Variants in SEMA3A observed in about 807,000 individuals in gnomAD.
SEMA3A encodes semaphorin 3A.
Under a neutral mutation model 97.9 loss-of-function variants are expected in SEMA3A, and 29 were observed. That is an observed-to-expected ratio of 0.30 (90% CI 0.22 to 0.40). SEMA3A has a LOEUF of 0.40. Ranked by LOEUF, SEMA3A falls within the 10% of genes least tolerant of loss-of-function variation. The pLI, the probability that SEMA3A is intolerant of heterozygous loss-of-function variation, is 1.00. For missense variants in SEMA3A, 763 were observed against 951.3 expected (o/e 0.80, Z 2.60); for synonymous variants, 321 against 323.7 (o/e 0.99, Z 0.09).
At chr7:84,406,947 C>T (rs1381701657) in intron 1 of SEMA3A, among the ~76,000 whole-genome samples, 1 of 152,112 alleles carries the variant, frequency 6.6e-6, no homozygotes, top group Non-Finnish European at 1.5e-5. Context: ...CAATATCATA[C>T]TGAATGGACA....
At chr7:84,124,199 C>G (rs1162015251) in intron 3 of SEMA3A, among the ~76,000 whole-genome samples, 2 of 152,096 alleles carry the variant, frequency 1.3e-5, no homozygotes, top group East Asian at 3.8e-4. Context: ...TGTCTTGACC[C>G]CTCTTTTCCT....
At chr7:84,354,685 A>T (rs1215728334) in intron 2 of SEMA3A, among the ~76,000 whole-genome samples, 1 of 151,312 alleles carries the variant, frequency 6.6e-6, no homozygotes, top group African/African-American at 2.4e-5. Context: ...TATTCTGTCA[A>T]TTATTTCATT....
chr7:84,224,989 T>C (rs924329160), intron 3 of SEMA3A, among the ~76,000 whole-genome samples: 1 of 152,066 alleles, frequency 6.6e-6, no homozygotes, highest in African/African-American at 2.4e-5. Flanking sequence ...CTCTATGTCA[T>C]TAGAAGGAGC....
At chr7:84,383,102 T>A (rs1803309991) in intron 1 of SEMA3A, among the ~76,000 whole-genome samples, 1 of 152,040 alleles carries the variant, frequency 6.6e-6, no homozygotes, top group South Asian at 2.1e-4. Context: ...CCTAAGAAGA[T>A]ATGAATAAAA....
chr7:84,213,397 G>T (rs1298833792), intron 3 of SEMA3A, among the ~76,000 whole-genome samples: 1 of 152,128 alleles, frequency 6.6e-6, no homozygotes, highest in Non-Finnish European at 1.5e-5. Flanking sequence ...TCCTGCCTCA[G>T]CTTCCCAAGT....
At chr7:84,341,388 T>G (rs1467713342) in intron 2 of SEMA3A, among the ~76,000 whole-genome samples, 2 of 152,150 alleles carry the variant, frequency 1.3e-5, no homozygotes, top group Non-Finnish European at 2.9e-5. Flanking sequence ...AAGATTAGGT[T>G]TTCCACCTTT....
chr7:84,432,516 T>G (rs1805007921), intron 1 of SEMA3A, among the ~76,000 whole-genome samples: 1 of 152,078 alleles, frequency 6.6e-6, no homozygotes, highest in Non-Finnish European at 1.5e-5. Context: ...TACTCAATAG[T>G]TTTTCAACCC....
intron 4 of SEMA3A, among the ~76,000 whole-genome samples, chr7:84,082,494 G>A (rs1794198525): frequency 6.6e-6 from 1 of 152,040 alleles, no homozygotes; most frequent in Non-Finnish European, 1.5e-5. Context: ...CATAACTCCA[G>A]AAATTCTTTA....
intron 6 of SEMA3A, among the ~76,000 whole-genome samples, chr7:84,044,990 G>A (rs1792293449): frequency 6.6e-6 from 1 of 152,030 alleles, no homozygotes; most frequent in African/African-American, 2.4e-5. Flanking sequence ...GCTGTCATAG[G>A]AGGGAAGAGA....
chr7:84,187,246 T>A (rs1445129999), intron 1 of SEMA3A, among the ~76,000 whole-genome samples: 1 of 152,236 alleles, frequency 6.6e-6, no homozygotes, highest in African/African-American at 2.4e-5. Flanking sequence ...GTAGAACTGA[T>A]TTGATCTTCA....
At chr7:84,162,048 A>C (rs1338748784) in intron 1 of SEMA3A, among the ~76,000 whole-genome samples, 1 of 152,188 alleles carries the variant, frequency 6.6e-6, no homozygotes, top group African/African-American at 2.4e-5. Context: ...TTTACTAAAA[A>C]TAAAATGTTT....
intron 1 of SEMA3A, among the ~76,000 whole-genome samples, chr7:84,143,945 T>A (rs370606686): frequency 0.17 from 18,037 of 104,924 alleles, 1,490 homozygotes; most frequent in East Asian, 0.27. Flanking sequence ...TCTCTCTCTC[T>A]CTCTAACACA....
intron 4 of SEMA3A, among the ~76,000 whole-genome samples, chr7:84,087,542 T>G (rs569549671): frequency 6.6e-6 from 1 of 152,296 alleles, no homozygotes; most frequent in African/African-American, 2.4e-5. Context: ...TCATGTAATT[T>G]TAATGAATAT....
intron 3 of SEMA3A, among the ~76,000 whole-genome samples, chr7:84,285,509 A>G (rs1371406108): frequency 6.6e-6 from 1 of 152,224 alleles, no homozygotes; most frequent in East Asian, 1.9e-4. Context: ...AAATATTACA[A>G]TGTAAAGGCT....
rs1180459235 is a variant in SEMA3A, at chr7:83,962,708, C to T, written c.1860+497G>A. On this transcript the variant is annotated intron_variant, in intron 16 of 16. Coordinates refer to ENST00000265362, the MANE Select transcript of SEMA3A (RefSeq NM_006080.3). ...AATGAGCAGGGAGATCTGCCTCATC[C>T]TGCATCAATAGTTGATATCAGAGCT... is the stretch of plus-strand genomic sequence containing the variant. 2.0e-5 allele frequency among the ~76,000 whole-genome samples: 3 copies of T among 152,220 alleles called. No individual in the cohort carries two copies. The South Asian group carries it at 6.2e-4, about 32-fold the overall frequency.
chr7:84,015,534 A>G (rs773863022), intron 6 of SEMA3A, among the ~76,000 whole-genome samples: 1 of 152,170 alleles, frequency 6.6e-6, no homozygotes, highest in Non-Finnish European at 1.5e-5. Flanking sequence ...ACCTCACTGA[A>G]GGCACTTAGG....
chr7:84,418,488 G>A (rs1433834342), intron 1 of SEMA3A, among the ~76,000 whole-genome samples: 2 of 152,088 alleles, frequency 1.3e-5, no homozygotes, highest in African/African-American at 2.4e-5. Flanking sequence ...TGAGATTTGA[G>A]TGGGGACACA....
intron 12 of SEMA3A, among the ~76,000 whole-genome samples, chr7:83,995,366 A>G (rs866288876): frequency 6.6e-6 from 1 of 152,202 alleles, no homozygotes; most frequent in East Asian, 1.9e-4. Context: ...TTCATATATG[A>G]ATGGTGAAAC....
chr7:84,266,313 CAAAAAAA>C (rs57809084), intron 3 of SEMA3A, among the ~76,000 whole-genome samples: 10 of 70,478 alleles, frequency 1.4e-4, no homozygotes, highest in Admixed American at 6.5e-4. Flanking sequence ...GATTTGGTCT[CAAAAAAA>C]AAAAAAAAAA....
Sources: gnomAD v4.1 joint callset for allele counts (sites outside exome capture counted in the v4.1 genomes callset) on GRCh38, gnomAD v4.1.1 for gene constraint, MANE v1.5 for transcripts, NCBI Gene and HGNC (gene_info 2026-07-23, HGNC 2026-07-21) for gene names.